The following PCLO variants were observed in gnomAD, a reference collection of about 807,000 sequenced individuals.
PCLO encodes piccolo presynaptic cytomatrix protein.
In PCLO, 82 loss-of-function variants were observed where a neutral mutation model predicts 427.5. That is an observed-to-expected ratio of 0.19 (90% confidence interval 0.16 to 0.23). PCLO has a LOEUF of 0.23. Ranked by LOEUF, PCLO falls within the 10% of genes least tolerant of loss-of-function variation. The pLI, the probability that PCLO is intolerant of heterozygous loss-of-function variation, is 1.00. For missense variants in PCLO, 6,239 were observed against 6,115.9 expected, an observed-to-expected ratio of 1.02 and a Z score of -0.67; for synonymous variants, 2,357 against 2,155.4, an observed-to-expected ratio of 1.09 and a Z score of -2.59.
At chr7:82,891,707 C>T (rs1793770928) in intron 9 of PCLO, among the ~76,000 whole-genome samples, 1 of 151,996 alleles carries the variant, frequency 6.6e-6, no homozygotes, top group Non-Finnish European at 1.5e-5. Flanking sequence ...TGAGATACGT[C>T]CCATCAATAC....
chr7:82,967,867 C>T (rs983639732), intron 3 of PCLO, among the ~76,000 whole-genome samples: 4 of 152,270 alleles, frequency 2.6e-5, no homozygotes, highest in South Asian at 4.1e-4. Context: ...TTCTGTAAGG[C>T]ACAGGGTTAG....
chr7:82,775,009 A>AT (rs1231504832), intron 22 of PCLO, among the ~76,000 whole-genome samples: 3 of 151,838 alleles, frequency 2.0e-5, no homozygotes, highest in Non-Finnish European at 4.4e-5. Flanking sequence ...GATTTTTTAG[A>AT]TTTTTTTCAT....
At chr7:82,838,907 A>T (rs1792297732) in intron 14 of PCLO, among the ~76,000 whole-genome samples, 1 of 152,002 alleles carries the variant, frequency 6.6e-6, no homozygotes, top group Non-Finnish European at 1.5e-5. Context: ...CAGCTTTCCT[A>T]ATAGAGTGAG....
chr7:82,788,718 G>A (rs1203209826), intron 22 of PCLO, among the ~76,000 whole-genome samples: 1 of 151,584 alleles, frequency 6.6e-6, no homozygotes, highest in Non-Finnish European at 1.5e-5. Flanking sequence ...CCTTTACTGA[G>A]AGTGCTCCAC....
At chr7:83,021,624 T>A (rs947088583) in intron 3 of PCLO, among the ~76,000 whole-genome samples, 2 of 152,178 alleles carry the variant, frequency 1.3e-5, no homozygotes, top group Admixed American at 1.3e-4. Flanking sequence ...TTTCCTGATA[T>A]AATTACCAGC....
In PCLO at chr7:82,988,432, T is replaced by C. The variant is rs574057031; in HGVS notation, c.3301-21945A>G. Among the ~76,000 whole-genome samples, 465 of 152,304 alleles carry C rather than the reference T, an allele frequency of 3.1e-3. 2 individuals carry two copies. The highest frequency in any genetic ancestry group is 4.6e-3 in the Non-Finnish European group (313 of 68,022). On this transcript the variant is annotated intron_variant, in intron 3 of 24. Coordinates refer to ENST00000333891, the MANE Select transcript of PCLO (RefSeq NM_033026.6). ...ATTTATTACATGTTATTCCAATCTATTGTTCTATAAATATTTTAATAGAGT... is the reference window on the plus strand; with the variant it reads ...ATTTATTACATGTTATTCCAATCTACTGTTCTATAAATATTTTAATAGAGT...
At position 82,966,077 on chromosome 7, in the gene PCLO, T is replaced by A. The variant is rs955072002; in HGVS notation, c.3711A>T (p.Glu1237Asp). The stretch of plus-strand genomic sequence containing the variant: ...TGTCTTCAGGGGTTGGCTTTTTTTC[T>A]TCTAGGAGTGGCTTTTTTTCTTCAG... ...IRSEEKKPLLEEKKPTPEDKK... is the reference protein window; with the variant it reads ...IRSEEKKPLLDEKKPTPEDKK... The change falls in exon 4 of 25, where the codon GAA becomes GAT. Residue 1237 changes from glutamate (E) to aspartate (D), a missense_variant. Glu to Asp is a conservative substitution (Grantham distance 45). Around this residue, in one of 5 missense-constraint regions of PCLO, gnomAD observed 4,677 missense variants for 4,468.4 expected, o/e 1.05. Coordinates refer to ENST00000333891, the MANE Select transcript of PCLO (RefSeq NM_033026.6). The A allele has an allele frequency of 2.5e-6, 4 of 1,612,630 alleles. No individual in the cohort carries two copies. The highest frequency in any genetic ancestry group is 1.7e-6 in the Non-Finnish European group (2 of 1,179,650).
intron 10 of PCLO, among the ~76,000 whole-genome samples, chr7:82,876,237 T>C (rs760997883): frequency 1.3e-5 from 2 of 151,950 alleles, no homozygotes; most frequent in Middle Eastern, 3.2e-3. Flanking sequence ...CTTCAACAAA[T>C]ACATTTAAAA....
intron 3 of PCLO, among the ~76,000 whole-genome samples, chr7:83,040,094 A>G (rs1248308660): frequency 6.6e-6 from 1 of 152,108 alleles, no homozygotes; most frequent in African/African-American, 2.4e-5. Context: ...ATATAAGATC[A>G]TATTTGCTGA....
chr7:82,806,672 G>C (rs1430112496), intron 20 of PCLO, among the ~76,000 whole-genome samples: 2 of 152,190 alleles, frequency 1.3e-5, no homozygotes, highest in African/African-American at 4.8e-5. Flanking sequence ...TTCCGCCAGA[G>C]AGAGTGAACT....
At position 82,817,507 on chromosome 7, in the gene PCLO, C is replaced by T. The variant is rs1791701742; in HGVS notation, c.14791+4988G>A. ...TATCATCTGTACCCAGCAATTCCCT[C>T]CACTCCCAGTCCCACCCACTCCCAA... On this transcript the variant is annotated intron_variant, in intron 20 of 24. Coordinates refer to ENST00000333891, the MANE Select transcript of PCLO (RefSeq NM_033026.6). 5.9e-5 allele frequency among the ~76,000 whole-genome samples: 9 copies of T among 152,204 alleles called. No homozygotes were observed. In the South Asian group the frequency reaches 1.9e-3, roughly 32 times the overall value.
At chr7:83,153,491 A>T (rs757772755) in intron 2 of PCLO, among the ~76,000 whole-genome samples, 42 of 152,130 alleles carry the variant, frequency 2.8e-4, no homozygotes, top group Non-Finnish European at 5.4e-4. Context: ...ATCATGATAG[A>T]TTTCATTTAT....
rs111304433 is a variant in PCLO at position 83,162,531 on chromosome 7, G to T, written c.62C>A (p.Ala21Glu). ...GLPEGLAAAA[A>E]AGGGASGAGS... ...CGCCCCGCTAGCTCCTCCTCCAGCC[G>T]CTGCGGCCGCCGCCAGCCCTTCGGG... Residue 21 changes from alanine to glutamate, a missense_variant, in exon 1 of 25, where the codon GCG becomes GAG. Transcript: ENST00000333891. 1.9e-6 allele frequency: 3 copies of T among 1,554,598 alleles called. No individual in the cohort carries two copies. Among genetic ancestry groups the T allele is most frequent in the Admixed American group, 1.9e-5 (1 of 51,898 alleles).
intron 10 of PCLO, among the ~76,000 whole-genome samples, chr7:82,860,061 A>C (rs1792913793): frequency 6.6e-6 from 1 of 152,108 alleles, no homozygotes; most frequent in African/African-American, 2.4e-5. Flanking sequence ...AAAATAAAGC[A>C]CACCTACAGG....
At chr7:82,948,008 A>C (rs1795244148) in intron 6 of PCLO, among the ~76,000 whole-genome samples, 1 of 152,170 alleles carries the variant, frequency 6.6e-6, no homozygotes, top group Non-Finnish European at 1.5e-5. Context: ...CTTCACTATT[A>C]CTTTGAAAAT....
intron 22 of PCLO, among the ~76,000 whole-genome samples, chr7:82,793,055 G>C (rs1392783214): frequency 6.7e-6 from 1 of 148,878 alleles, no homozygotes; most frequent in Non-Finnish European, 1.5e-5. Flanking sequence ...ATCTCTAACT[G>C]TTCTCAACAC....
rs1794427492 is a variant in PCLO, at chr7:82,915,497, C to T, written c.12489G>A (p.Lys4163=). The change falls in exon 7 of 25, where the codon AAG becomes AAA. Residue 4163 remains lysine (K), a synonymous_variant. Coordinates refer to ENST00000333891, the MANE Select transcript of PCLO (RefSeq NM_033026.6). ...CAAGTGTGAGTCTACTGATGCTATA[C>T]TTCTCAGATTTTGGAAAATGTCTGT... ...TSYRHFPKSE[K]YSISRLTLEK... is the part of the protein sequence containing the mutation. 8 of 1,613,694 alleles carry T rather than the reference C, an allele frequency of 5.0e-6. No homozygotes were observed. The highest frequency in any genetic ancestry group is 6.8e-6 in the Non-Finnish European group (8 of 1,179,692).
intron 14 of PCLO, among the ~76,000 whole-genome samples, chr7:82,839,961 G>C (rs573981465): frequency 1.3e-5 from 2 of 151,888 alleles, no homozygotes; most frequent in East Asian, 3.9e-4. Flanking sequence ...AAATTAAGAA[G>C]GAATAATAGT....
At chr7:83,040,706 T>C (rs1788952801) in intron 3 of PCLO, among the ~76,000 whole-genome samples, 1 of 152,152 alleles carries the variant, frequency 6.6e-6, no homozygotes, top group African/African-American at 2.4e-5. Context: ...AGAGTGTCTT[T>C]AGGCTGAACT....
Sources: gnomAD v4.1 joint callset for allele counts (sites outside exome capture counted in the v4.1 genomes callset) on GRCh38, gnomAD v4.1.1 for gene constraint, gnomAD v4.1.1 regional missense constraint, MANE v1.5 for transcripts, NCBI Gene and HGNC (gene_info 2026-07-23, HGNC 2026-07-21) for gene names.